Variants in SNX29 observed in about 807,000 individuals in gnomAD.
The protein encoded by SNX29 is sorting nexin 29, also known as sorting nexin-29.
In SNX29, 78 loss-of-function variants were observed where a neutral mutation model predicts 102.1. The observed-to-expected ratio is 0.76, with a 90% CI of 0.64 to 0.92. SNX29 has a LOEUF of 0.92. Ranked by LOEUF, SNX29 falls within the 40% of genes least tolerant of loss-of-function variation. The pLI is 0.00. For missense variants in SNX29, 1,280 were observed against 1,061.7 expected, an observed-to-expected ratio of 1.21 and a Z score of -2.86; for synonymous variants, 580 against 414.5, an observed-to-expected ratio of 1.40 and a Z score of -4.85.
chr16:12,033,318 G>A (rs1317781819), intron 4 of SNX29, among the ~76,000 whole-genome samples: 3 of 151,854 alleles, frequency 2.0e-5, no homozygotes, highest in Admixed American at 1.3e-4. Context: ...GCCCAGGCTG[G>A]TCTCAAATTC....
At chr16:12,411,107 G>A (rs945131477) in intron 18 of SNX29, among the ~76,000 whole-genome samples, 1 of 152,214 alleles carries the variant, frequency 6.6e-6, no homozygotes, top group African/African-American at 2.4e-5. Flanking sequence ...AGAAGCCTCT[G>A]CCTTAGCAGA....
chr16:12,568,237 C>A (rs574672355), intron 20 of SNX29, among the ~76,000 whole-genome samples: 13 of 149,920 alleles, frequency 8.7e-5, no homozygotes, highest in African/African-American at 9.8e-5. Context: ...AAATGTAGAC[C>A]GGAACGGTGG....
chr16:12,550,254 G>A lies in SNX29; in HGVS notation c.2319-18252G>A, dbSNP rs564144603. ...TTCTAATTTTAGAAATAGCAAATAT[G>A]GGCCAGACACAGAGGCTTATACCTG... On this transcript the variant is annotated intron_variant, in intron 20 of 20. Coordinates refer to ENST00000566228, the MANE Select transcript of SNX29 (RefSeq NM_032167.5). Among the ~76,000 whole-genome samples, 278 of 151,536 alleles carry A rather than the reference G, an allele frequency of 1.8e-3. 1 individual carries two copies. Among genetic ancestry groups the A allele is most frequent in the African/African-American group, 6.7e-3 (274 of 40,892 alleles).
At chr16:12,282,083 C>CAAAAAAAAAAAAAAAAAAAAAAAAAAAAA (rs758827865) in intron 15 of SNX29, among the ~76,000 whole-genome samples, 1 of 62,052 alleles carries the variant, frequency 1.6e-5, no homozygotes. Flanking sequence ...GACTCCATCT[C>CAAAAAAAAAAAAAAAAAAAAAAAAAAAAA]AAAAAAAAAA....
At position 12,370,265 on chromosome 16, in the gene SNX29, A is replaced by G. The variant is rs192503207; in HGVS notation, c.1899+13986A>G. On this transcript the variant is annotated intron_variant, in intron 16 of 20. Coordinates refer to ENST00000566228, the MANE Select transcript of SNX29 (RefSeq NM_032167.5). ...AAACAAAAACAAAAAACAATCAACAACAAAAATAAAGGTGGCTGGGTGCGG... is the reference window on the plus strand; with the variant it reads ...AAACAAAAACAAAAAACAATCAACAGCAAAAATAAAGGTGGCTGGGTGCGG... Among the ~76,000 whole-genome samples, 43 of 151,814 alleles carry G rather than the reference A, an allele frequency of 2.8e-4. 2 individuals carry two copies. The East Asian group carries it at 7.6e-3, about 27-fold the overall frequency.
chr16:12,539,088 G>T, intron 20 of SNX29, among the ~76,000 whole-genome samples: 1 of 152,280 alleles, frequency 6.6e-6, no homozygotes, highest in African/African-American at 2.4e-5. Flanking sequence ...TTAATAGATT[G>T]CCCAGAGTCC....
chr16:12,216,903 A>G (rs991907006), intron 14 of SNX29, among the ~76,000 whole-genome samples: 2 of 152,228 alleles, frequency 1.3e-5, no homozygotes, highest in Non-Finnish European at 2.9e-5. Flanking sequence ...GGCCACAGCT[A>G]GCTGCAAGGG....
rs576289869 is a variant in SNX29, at chr16:12,572,486, G to C, written c.*3857G>C. ...GCCAACCCTGAGGACCAGTTCTTGGGGTTCCAGGCCTCGGCCTTCCTGCTC... is the reference window on the plus strand; with the variant it reads ...GCCAACCCTGAGGACCAGTTCTTGGCGTTCCAGGCCTCGGCCTTCCTGCTC... On this transcript the variant is annotated 3_prime_UTR_variant, in exon 21 of 21. Coordinates refer to ENST00000566228, the MANE Select transcript of SNX29 (RefSeq NM_032167.5). The C allele has an allele frequency of 4.3e-5, 46 of 1,063,994 alleles. No individual in the cohort carries two copies. The African/African-American group carries it at 7.2e-4, about 17-fold the overall frequency. 65.9% of individuals were successfully genotyped at this position (1,063,994 alleles called of 1,614,324 possible).
At chr16:12,543,085 G>A (rs933682094) in intron 20 of SNX29, among the ~76,000 whole-genome samples, 1 of 152,218 alleles carries the variant, frequency 6.6e-6, no homozygotes, top group African/African-American at 2.4e-5. Flanking sequence ...AGCATGTTCT[G>A]TCTGGTGGAA....
At chr16:12,437,643 T>A (rs921019606) in intron 18 of SNX29, among the ~76,000 whole-genome samples, 5 of 152,126 alleles carry the variant, frequency 3.3e-5, no homozygotes, top group African/African-American at 1.2e-4. Context: ...TCCCCACCCA[T>A]AGCTGCCCTC....
At chr16:12,195,005 T>C (rs1038642788) in intron 13 of SNX29, among the ~76,000 whole-genome samples, 9 of 152,190 alleles carry the variant, frequency 5.9e-5, no homozygotes, top group Admixed American at 5.2e-4. Context: ...AAGAAAAATT[T>C]CCAATTAATT....
At chr16:12,405,251 G>C (rs1301474406) in intron 18 of SNX29, among the ~76,000 whole-genome samples, 1 of 152,144 alleles carries the variant, frequency 6.6e-6, no homozygotes, top group Non-Finnish European at 1.5e-5. Context: ...TTTCAGTTTT[G>C]ACTTTTCCCC....
intron 14 of SNX29, among the ~76,000 whole-genome samples, chr16:12,261,088 T>A (rs138222044): frequency 0.015 from 2,113 of 145,476 alleles, 81 homozygotes; most frequent in African/African-American, 0.052. Flanking sequence ...GGAGTGAGTG[T>A]TTGCTGAGGT....
intron 15 of SNX29, among the ~76,000 whole-genome samples, chr16:12,304,177 T>G (rs993422816): frequency 6.7e-6 from 1 of 149,082 alleles, no homozygotes; most frequent in African/African-American, 2.6e-5. Flanking sequence ...TATCACTGTT[T>G]TTTGTTTTTT....
At chr16:12,426,577 G>A (rs1180994676) in intron 18 of SNX29, among the ~76,000 whole-genome samples, 3 of 152,188 alleles carry the variant, frequency 2.0e-5, no homozygotes, top group East Asian at 1.9e-4. Context: ...TATGTGTTAC[G>A]TAGCCAATAA....
intron 14 of SNX29, among the ~76,000 whole-genome samples, chr16:12,252,604 C>T (rs1049547977): frequency 7.2e-5 from 11 of 152,238 alleles, no homozygotes; most frequent in Admixed American, 6.5e-4. Flanking sequence ...GTGTGCATTT[C>T]CCGGTTCCAT....
chr16:12,464,777 C>T (rs11866707), intron 18 of SNX29, among the ~76,000 whole-genome samples: 11,229 of 152,210 alleles, frequency 0.074, 673 homozygotes, highest in East Asian at 0.29. Context: ...GATATATATC[C>T]AGAAGTAGGA....
intron 18 of SNX29, among the ~76,000 whole-genome samples, chr16:12,474,574 C>T (rs2151806505): frequency 6.6e-6 from 1 of 152,212 alleles, no homozygotes; most frequent in South Asian, 2.1e-4. Context: ...TGGGCTCTTG[C>T]ATATACATTA....
chr16:12,551,991 G>A (rs7187812), intron 20 of SNX29, among the ~76,000 whole-genome samples: 1 of 152,276 alleles, frequency 6.6e-6, no homozygotes, highest in East Asian at 1.9e-4. Flanking sequence ...TGTCAAAGTA[G>A]CTCCTGCTGG....
Sources: gnomAD v4.1 joint callset for allele counts (sites outside exome capture counted in the v4.1 genomes callset) on GRCh38, gnomAD v4.1.1 for gene constraint, MANE v1.5 for transcripts, NCBI Gene and HGNC (gene_info 2026-07-23, HGNC 2026-07-21) for gene names.